The following GRB2 variants were observed in gnomAD, a reference collection of about 807,000 sequenced individuals.
GRB2 encodes growth factor receptor-bound protein 2.
Under a neutral mutation model 27.4 loss-of-function variants are expected in GRB2, and 2 were observed. The observed-to-expected ratio is 0.07, with a 90% CI of 0.03 to 0.23. GRB2 has a LOEUF of 0.23. GRB2 is among the 10% of genes least tolerant of loss of function. The pLI is 1.00. For missense variants in GRB2, 102 were observed against 282.4 expected (o/e 0.36, Z 4.58); for synonymous variants, 94 against 99.6 (o/e 0.94, Z 0.33).
intron 1 of GRB2, among the ~76,000 whole-genome samples, chr17:75,401,451 C>CAAAAA (rs71161209): frequency 1.3e-5 from 1 of 79,044 alleles, no homozygotes; most frequent in African/African-American, 5.9e-5. Flanking sequence ...GACTCCGTCT[C>CAAAAA]AAAAAAAAAA....
intron 2 of GRB2, among the ~76,000 whole-genome samples, chr17:75,358,755 T>C (rs1286754325): frequency 8.1e-6 from 1 of 123,584 alleles, no homozygotes; most frequent in Non-Finnish European, 1.7e-5. Context: ...TGGTGGCACA[T>C]ACCTGTAAAT....
chr17:75,331,697 T>TA (rs2078542352), intron 3 of GRB2, among the ~76,000 whole-genome samples: 1 of 152,200 alleles, frequency 6.6e-6, no homozygotes, highest in Non-Finnish European at 1.5e-5. Flanking sequence ...ACTCGATTGT[T>TA]AAAAGAAAAT....
chr17:75,333,717 G>A (rs1181259825), intron 2 of GRB2, among the ~76,000 whole-genome samples: 3 of 152,226 alleles, frequency 2.0e-5, no homozygotes, highest in South Asian at 4.1e-4. Context: ...TCAGGAAAAA[G>A]CATGGCAAAT....
intron 1 of GRB2, among the ~76,000 whole-genome samples, chr17:75,397,255 AT>A (rs751522707): frequency 2.1e-4 from 32 of 152,222 alleles, no homozygotes; most frequent in Non-Finnish European, 4.1e-4. Context: ...ACAAAAAAAA[AT>A]CTAACACATA....
chr17:75,387,766 C>A (rs576101462), intron 2 of GRB2: 1 of 151,748 alleles, frequency 6.6e-6, no homozygotes, highest in South Asian at 2.1e-4. Flanking sequence ...CGATTGCACT[C>A]CAGCCTGGGC....
intron 2 of GRB2, among the ~76,000 whole-genome samples, chr17:75,369,804 G>A (rs937372943): frequency 6.6e-6 from 1 of 151,548 alleles, no homozygotes; most frequent in South Asian, 2.1e-4. Flanking sequence ...AGGCTGCAGT[G>A]AGCCAAGATC....
At chr17:75,385,348 C>G (rs2078957321) in intron 2 of GRB2, among the ~76,000 whole-genome samples, 1 of 152,038 alleles carries the variant, frequency 6.6e-6, no homozygotes, top group African/African-American at 2.4e-5. Flanking sequence ...ACCAGCCCGG[C>G]CAACATGGTG....
intron 2 of GRB2, among the ~76,000 whole-genome samples, chr17:75,337,901 CTATTATTATTAT>C (rs71361670): frequency 2.0e-4 from 23 of 117,386 alleles, no homozygotes; most frequent in African/African-American, 3.3e-4. Context: ...ACTACTACTA[CTATTATTATTAT>C]TATTATTATT....
intron 2 of GRB2, among the ~76,000 whole-genome samples, chr17:75,341,169 C>T (rs564984023): frequency 1.1e-4 from 17 of 152,286 alleles, no homozygotes; most frequent in African/African-American, 3.9e-4. Context: ...CAGTGCCTCA[C>T]GCCTGTAATC....
intron 3 of GRB2, among the ~76,000 whole-genome samples, chr17:75,331,392 C>T (rs1159528451): frequency 6.6e-6 from 1 of 152,162 alleles, no homozygotes; most frequent in African/African-American, 2.4e-5. Flanking sequence ...TCCCAGTCAG[C>T]CTGGCAGTAA....
intron 2 of GRB2, among the ~76,000 whole-genome samples, chr17:75,375,671 T>C (rs2078887747): frequency 6.6e-6 from 1 of 151,116 alleles, no homozygotes; most frequent in Non-Finnish European, 1.5e-5. Context: ...TAACTGAGGC[T>C]AGGAGTTTGA....
chr17:75,382,215 C>T (rs1157710873), intron 2 of GRB2, among the ~76,000 whole-genome samples: 1 of 68,502 alleles, frequency 1.5e-5, no homozygotes, highest in African/African-American at 4.2e-5. Context: ...GAGCAAGACT[C>T]CGTCTCCAAA....
At chr17:75,336,376 CAGAG>C (rs375366982) in intron 2 of GRB2, among the ~76,000 whole-genome samples, 2 of 152,154 alleles carry the variant, frequency 1.3e-5, no homozygotes, top group Non-Finnish European at 1.5e-5. Flanking sequence ...TCTTGGAAGA[CAGAG>C]AGTCAGACTG....
intron 2 of GRB2, among the ~76,000 whole-genome samples, chr17:75,335,418 G>A (rs55940042): frequency 0.054 from 8,164 of 152,188 alleles, 265 homozygotes; most frequent in Middle Eastern, 0.13. Context: ...TGCTGTACTC[G>A]TAGCCAATCA....
At chr17:75,388,618 T>A (rs1046898921) in intron 2 of GRB2, among the ~76,000 whole-genome samples, 27 of 151,272 alleles carry the variant, frequency 1.8e-4, no homozygotes, top group East Asian at 3.9e-4. Context: ...TTTTTTTTTT[T>A]AATTTGGAGA....
At chr17:75,339,875 C>A (rs1306396272) in intron 2 of GRB2, among the ~76,000 whole-genome samples, 1 of 152,142 alleles carries the variant, frequency 6.6e-6, no homozygotes, top group Non-Finnish European at 1.5e-5. Context: ...GCGATCCACC[C>A]GCCTTGGCCT....
In GRB2 at chr17:75,320,484, C is replaced by T; in HGVS notation, c.538G>A (p.Gly180Arg). 6.2e-7 allele frequency: 1 copy of T among 1,613,988 alleles called. No individual in the cohort carries two copies. ...TTATCCATGACATGGATAAAATCTC[C>T]CCGGCGGAAGCCCAGCTCTCCATCC... ...QEDGELGFRRGDFIHVMDNSD... is the reference protein window; with the variant it reads ...QEDGELGFRRRDFIHVMDNSD... Residue 180 changes from glycine to arginine, a missense_variant, in exon 6 of 6, where the codon GGA (glycine) becomes AGA (arginine). Coordinates refer to ENST00000316804, the MANE Select transcript of GRB2 (RefSeq NM_002086.5). This position sits in a 1 kb window ranked among gnomAD's most constrained non-coding sequence, Gnocchi z 4.3.
chr17:75,376,325 AC>A (rs2078893338), intron 2 of GRB2, among the ~76,000 whole-genome samples: 2 of 139,318 alleles, frequency 1.4e-5, no homozygotes, highest in Non-Finnish European at 3.1e-5. Context: ...AGCCTGGGTG[AC>A]AGACAGAGAC....
chr17:75,356,504 T>C (rs1370240349), intron 2 of GRB2, among the ~76,000 whole-genome samples: 1 of 152,170 alleles, frequency 6.6e-6, no homozygotes, highest in Non-Finnish European at 1.5e-5. Context: ...CAAGACCCTA[T>C]CATTCGTTCT....
Sources: gnomAD v4.1 joint callset for allele counts (sites outside exome capture counted in the v4.1 genomes callset) on GRCh38, gnomAD v4.1.1 for gene constraint, Gnocchi (gnomAD v3.1) non-coding constraint, MANE v1.5 for transcripts, NCBI Gene and HGNC (gene_info 2026-07-23, HGNC 2026-07-21) for gene names.